Variants in PIP5K1B observed in about 807,000 individuals in gnomAD.
PIP5K1B encodes the protein phosphatidylinositol 4-phosphate 5-kinase type-1 beta.
A neutral mutation model predicts 67.0 loss-of-function variants in PIP5K1B; 42 were observed. That is an observed-to-expected ratio of 0.63 (90% CI 0.49 to 0.81). The LOEUF is 0.81. Ranked by LOEUF, PIP5K1B falls within the 30% of genes least tolerant of loss-of-function variation. The probability of loss-of-function intolerance (pLI) is 0.00; values close to 1 mark genes in which losing one functional copy is unlikely to be tolerated. For synonymous variants in PIP5K1B, 214 were observed against 231.4 expected, an observed-to-expected ratio of 0.92 and a Z score of 0.68; for missense variants, 459 against 646.3, an observed-to-expected ratio of 0.71 and a Z score of 3.14.
chr9:68,801,790 G>A (rs1223301453), intron 2 of PIP5K1B, among the ~76,000 whole-genome samples: 4 of 152,156 alleles, frequency 2.6e-5, no homozygotes, highest in African/African-American at 9.7e-5. Context: ...GCCACCACAC[G>A]GACTCTCCTT....
At chr9:68,772,167 G>T (rs2132425234) in intron 2 of PIP5K1B, among the ~76,000 whole-genome samples, 1 of 152,288 alleles carries the variant, frequency 6.6e-6, no homozygotes, top group East Asian at 1.9e-4. Flanking sequence ...GTTTGCAGCA[G>T]CAGCTTCAAA....
intron 1 of PIP5K1B, among the ~76,000 whole-genome samples, chr9:68,736,821 A>C (rs1828762071): frequency 6.6e-6 from 1 of 152,226 alleles, no homozygotes; most frequent in Admixed American, 6.5e-5. Flanking sequence ...ATTTAATTAC[A>C]TCTCGAAGAT....
At chr9:68,937,390 C>T (rs111526601) in intron 13 of PIP5K1B, among the ~76,000 whole-genome samples, 3,477 of 152,254 alleles carry the variant, frequency 0.023, 101 homozygotes, top group African/African-American at 0.07. Flanking sequence ...TGTATTTGCA[C>T]AGAAATGTTC....
chr9:68,782,299 T>G (rs1428680677), intron 2 of PIP5K1B: 1 of 167,090 alleles, frequency 6.0e-6, no homozygotes, highest in Non-Finnish European at 1.5e-5. Flanking sequence ...AGAAAATTAG[T>G]GGAGAGTCAC....
chr9:68,808,921 A>C (rs1451574082), intron 2 of PIP5K1B, among the ~76,000 whole-genome samples: 3 of 152,218 alleles, frequency 2.0e-5, no homozygotes, highest in Admixed American at 2.0e-4. Context: ...TATTTTCATC[A>C]GTAAGAATAG....
intron 8 of PIP5K1B, among the ~76,000 whole-genome samples, chr9:68,904,467 A>C (rs1356462648): frequency 1.3e-5 from 2 of 152,246 alleles, no homozygotes; most frequent in African/African-American, 4.8e-5. Flanking sequence ...TAAGGAACAC[A>C]AAGTAAAATA....
chr9:68,979,953 G>T (rs1397243644), intron 14 of PIP5K1B, among the ~76,000 whole-genome samples: 1 of 152,224 alleles, frequency 6.6e-6, no homozygotes, highest in Admixed American at 6.5e-5. Context: ...CTCCTGTATG[G>T]TGGCAGGCGG....
chr9:68,794,485 G>A (rs569106911), intron 2 of PIP5K1B, among the ~76,000 whole-genome samples: 1 of 152,076 alleles, frequency 6.6e-6, no homozygotes, highest in East Asian at 1.9e-4. Flanking sequence ...CTCCAAACAT[G>A]AGTAAACTGT....
chr9:68,946,223 C>T (rs1354612101), intron 14 of PIP5K1B, among the ~76,000 whole-genome samples: 1 of 152,150 alleles, frequency 6.6e-6, no homozygotes, highest in Non-Finnish European at 1.5e-5. Context: ...ATTCCCCTAA[C>T]CCTAATCTCA....
chr9:68,844,611 GGGGGAGATCTAA>G (rs1822092010), intron 4 of PIP5K1B, among the ~76,000 whole-genome samples: 3 of 79,200 alleles, frequency 3.8e-5, no homozygotes, highest in Non-Finnish European at 6.2e-5. Flanking sequence ...GAGATCCAAT[GGGGGAGATCTAA>G]TGGGGGAGAG....
intron 2 of PIP5K1B, among the ~76,000 whole-genome samples, chr9:68,787,916 A>G (rs1831721055): frequency 6.6e-6 from 1 of 152,218 alleles, no homozygotes; most frequent in Non-Finnish European, 1.5e-5. Context: ...TACAGGCTTG[A>G]GCCACCATAC....
chr9:68,989,313 CA>C (rs1830254771), intron 14 of PIP5K1B, among the ~76,000 whole-genome samples: 2 of 152,070 alleles, frequency 1.3e-5, no homozygotes, highest in South Asian at 4.1e-4. Flanking sequence ...GAGGCTTAGA[CA>C]GGAACCTCAG....
intron 2 of PIP5K1B, among the ~76,000 whole-genome samples, chr9:68,808,762 G>A (rs908124802): frequency 1.3e-5 from 2 of 152,292 alleles, no homozygotes; most frequent in Non-Finnish European, 2.9e-5. Context: ...TGATGAATGT[G>A]TTTTATGAGA....
chr9:68,939,389 T>G (rs1164890002), intron 13 of PIP5K1B, among the ~76,000 whole-genome samples: 2 of 152,188 alleles, frequency 1.3e-5, no homozygotes, highest in Non-Finnish European at 1.5e-5. Flanking sequence ...GGCAATTCAT[T>G]GGAATCTGAT....
At chr9:68,712,992 A>T (rs1277268433) in intron 1 of PIP5K1B, among the ~76,000 whole-genome samples, 1 of 152,200 alleles carries the variant, frequency 6.6e-6, no homozygotes. Flanking sequence ...GCTGGTATTT[A>T]TTTGAACATC....
chr9:68,807,351 G>A (rs1832925587), intron 2 of PIP5K1B, among the ~76,000 whole-genome samples: 1 of 152,104 alleles, frequency 6.6e-6, no homozygotes, highest in Non-Finnish European at 1.5e-5. Flanking sequence ...ACTACAGAAA[G>A]GCTTTTAAAA....
intron 8 of PIP5K1B, among the ~76,000 whole-genome samples, chr9:68,902,445 T>A (rs767974405): frequency 6.6e-6 from 1 of 152,262 alleles, no homozygotes; most frequent in East Asian, 1.9e-4. Context: ...GTATCAGTAA[T>A]GTGCTCCTTT....
intron 3 of PIP5K1B, among the ~76,000 whole-genome samples, chr9:68,820,330 G>C (rs1833673760): frequency 6.6e-6 from 1 of 152,160 alleles, no homozygotes; most frequent in Non-Finnish European, 1.5e-5. Context: ...AATTTAAGCT[G>C]ATACAGCATG....
chr9:68,902,815 T>C (rs1825429130), intron 8 of PIP5K1B, among the ~76,000 whole-genome samples: 1 of 152,220 alleles, frequency 6.6e-6, no homozygotes, highest in South Asian at 2.1e-4. Flanking sequence ...CTGGTAAGTG[T>C]GTATTTAAGT....
Sources: allele counts gnomAD v4.1 joint callset (sites outside exome capture counted in the v4.1 genomes callset), GRCh38; gene constraint gnomAD v4.1.1; transcripts MANE v1.5; gene names NCBI Gene and HGNC (gene_info 2026-07-23, HGNC 2026-07-21).